SLC29A1: variants seen among roughly 807,000 people sequenced by gnomAD.
SLC29A1 encodes the protein solute carrier family 29 member 1 (Augustine blood group).
A neutral mutation model predicts 48.3 loss-of-function variants in SLC29A1; 22 were observed. That is an observed-to-expected ratio of 0.46 (90% confidence interval 0.33 to 0.65). SLC29A1 has a LOEUF of 0.65. Ranked by LOEUF, SLC29A1 falls within the 30% of genes least tolerant of loss-of-function variation. The probability of loss-of-function intolerance (pLI) is 0.03; values close to 1 mark genes in which losing one functional copy is unlikely to be tolerated. For synonymous variants in SLC29A1, 228 were observed against 231.0 expected, an observed-to-expected ratio of 0.99 and a Z score of 0.12; for missense variants, 491 against 575.3, an observed-to-expected ratio of 0.85 and a Z score of 1.50.
intron 8 of SLC29A1, 54 bp from the exon 9 acceptor site, chr6:44,231,310 T>C (rs2153303062): frequency 8.5e-7 from 1 of 1,171,074 alleles, no homozygotes; most frequent in African/African-American, 1.5e-5. Context: ...ATGTTTATGT[T>C]GTCTTCTGTT....
chr6:44,225,723 G>A (rs1032218541), intron 1 of SLC29A1: 3 of 152,190 alleles, frequency 2.0e-5, no homozygotes, highest in Non-Finnish European at 2.9e-5. Context: ...GGAGGTGTGG[G>A]GCTGAGGGGC....
At chr6:44,219,868 AG>A, upstream of SLC29A1, 1 of 1,007,226 alleles carries the variant, frequency 9.9e-7, no homozygotes, top group Non-Finnish European at 1.3e-6. Flanking sequence ...CGGGCGGGAC[AG>A]GGGGCCAGTA....
At chr6:44,230,697 T>C (rs769177686) in intron 7 of SLC29A1, 32 bp downstream of exon 7, 1 of 1,480,882 alleles carries the variant, frequency 6.8e-7, no homozygotes, top group South Asian at 1.1e-5. Context: ...GGGTTTGGGG[T>C]ATAGGGGTCT....
rs765225995 is a variant in SLC29A1, at chr6:44,229,518, T to G, written c.111+47T>G. ...TCCATGGGGCAGTGCCCACTGTGCT[T>G]GCAGGATCTGACTCTGTGCTGGTAG... On this transcript the variant is annotated intron_variant, in intron 3 of 12. Coordinates refer to ENST00000371755, the MANE Select transcript of SLC29A1 (RefSeq NM_001372327.1). This position sits in a 1 kb window ranked among gnomAD's most constrained non-coding sequence, Gnocchi z 5.1. 2 of 1,609,838 alleles carry G rather than the reference T, an allele frequency of 1.2e-6. No homozygotes were observed. The highest frequency in any genetic ancestry group is 1.7e-6 in the Non-Finnish European group (2 of 1,176,138).
At chr6:44,220,649 C>CT (rs1204988377), upstream of SLC29A1, among the ~76,000 whole-genome samples, 122 of 102,472 alleles carry the variant, frequency 1.2e-3, no homozygotes, top group South Asian at 5.8e-3. Flanking sequence ...CCCGTCTCTA[C>CT]TAAAAAAAAA....
chr6:44,226,760 G>A (rs1428397684), intron 1 of SLC29A1: 4 of 999,102 alleles, frequency 4.0e-6, no homozygotes, highest in Non-Finnish European at 4.8e-6. Flanking sequence ...AGTCATCATC[G>A]ATGTTGTCGC....
At chr6:44,221,099 G>C (rs1203490234), upstream of SLC29A1, among the ~76,000 whole-genome samples, 1 of 152,094 alleles carries the variant, frequency 6.6e-6, no homozygotes, top group Non-Finnish European at 1.5e-5. This position sits in a 1 kb window ranked among gnomAD's most constrained non-coding sequence, Gnocchi z 4.2. Flanking sequence ...GCCCAGGCTA[G>C]TCTTGAATTC....
rs758527053 is a variant in SLC29A1 at position 44,232,337 on chromosome 6, T to G, written c.974-6T>G. 6.2e-7 allele frequency: 1 copy of G among 1,608,480 alleles called. No individual in the cohort carries two copies. The highest frequency in any genetic ancestry group is 1.1e-5 in the South Asian group (1 of 90,962). ...CTGATAACCACCCGTTCATCTCCTC[T>G]TCCAGAACGTTACTTCATTCCTGTG... On this transcript the variant is annotated splice_region_variant and splice_polypyrimidine_tract_variant and intron_variant, in intron 10 of 12. Transcript: ENST00000371755. The surrounding 1 kb of genome is among the most constrained non-coding windows in gnomAD (Gnocchi z 4.7).
Position 44,232,006 on chromosome 6 carries a change from C to T in SLC29A1, c.873C>T (p.Val291=), listed in dbSNP as rs1279631606. The change falls in exon 10 of 13, where the codon GTC becomes GTT. Residue 291 remains valine, a synonymous_variant. Coordinates refer to ENST00000371755, the MANE Select transcript of SLC29A1 (RefSeq NM_001372327.1). The surrounding 1 kb of genome is among the most constrained non-coding windows in gnomAD (Gnocchi z 4.7). The part of the protein sequence containing the change: ...SIKAILKNIS[V]LAFSVCFIFT... The stretch of plus-strand genomic sequence containing the variant: ...CTACCCCTTCTATCTAGATCTCAGT[C>T]CTGGCTTTCTCTGTCTGCTTCATCT... 1 of 1,612,930 alleles carries T rather than the reference C, an allele frequency of 6.2e-7. No homozygotes were observed. The highest frequency in any genetic ancestry group is 1.7e-5 in the Admixed American group (1 of 60,006).
At chr6:44,228,311 A>G (rs550741241) in intron 2 of SLC29A1, among the ~76,000 whole-genome samples, 2 of 152,036 alleles carry the variant, frequency 1.3e-5, no homozygotes, top group Non-Finnish European at 2.9e-5. Flanking sequence ...TACTCCCCCC[A>G]ACCCCGATCC....
chr6:44,224,453 T>C (rs1009032773), intron 1 of SLC29A1, among the ~76,000 whole-genome samples: 1 of 151,964 alleles, frequency 6.6e-6, no homozygotes, highest in Non-Finnish European at 1.5e-5. Context: ...TTTAGTTGAA[T>C]CAGAGTTCCC....
intron 1 of SLC29A1, chr6:44,226,641 C>T: frequency 1.6e-6 from 1 of 606,632 alleles, no homozygotes; most frequent in African/African-American, 2.0e-5. Flanking sequence ...ATCTGGGTTG[C>T]CTTCAGGAGA....
chr6:44,222,268 T>TGGGGGGGGG (rs1582921881), upstream of SLC29A1, among the ~76,000 whole-genome samples: 1 of 17,600 alleles, frequency 5.7e-5, no homozygotes, highest in Non-Finnish European at 1.2e-4. Flanking sequence ...GGGATGGGGG[T>TGGGGGGGGG]GGGGTGGGGG....
chr6:44,231,036 C>G, intron 8 of SLC29A1, 147 bp downstream of exon 8: 1 of 698,934 alleles, frequency 1.4e-6, no homozygotes, highest in Non-Finnish European at 2.6e-6. Flanking sequence ...GAGAGGGGGA[C>G]AATAGGAAAT....
At chr6:44,223,439 G>A (rs934195714), upstream of SLC29A1, 8 of 704,774 alleles carry the variant, frequency 1.1e-5, no homozygotes, top group Non-Finnish European at 1.1e-5. This position sits in a 1 kb window ranked among gnomAD's most constrained non-coding sequence, Gnocchi z 5.0. Flanking sequence ...GCAGGGGCTC[G>A]GGGTGGGAGC....
At chr6:44,231,602 CA>C (rs1362925201) in intron 9 of SLC29A1, 141 bp downstream of exon 9, 1 of 643,808 alleles carries the variant, frequency 1.6e-6, no homozygotes. Flanking sequence ...CGTGCGTGCC[CA>C]TGCGTGCGTG....
chr6:44,221,575 C>T (rs1561871998), upstream of SLC29A1: 1 of 1,258,474 alleles, frequency 7.9e-7, no homozygotes, highest in African/African-American at 1.5e-5. This position sits in a 1 kb window ranked among gnomAD's most constrained non-coding sequence, Gnocchi z 4.2. Context: ...CCCACCCCAC[C>T]CCTTCGACAG....
At chr6:44,227,023 G>C in intron 1 of SLC29A1, 2 of 1,273,630 alleles carry the variant, frequency 1.6e-6, no homozygotes, top group Non-Finnish European at 2.0e-6. Flanking sequence ...GGTGGCAGCG[G>C]CCAGGCCGGG....
At chr6:44,228,005 A>G (rs1777956064) in intron 2 of SLC29A1, among the ~76,000 whole-genome samples, 1 of 152,152 alleles carries the variant, frequency 6.6e-6, no homozygotes, top group African/African-American at 2.4e-5. Context: ...AAGGCTATGA[A>G]ACTAGGCCAC....
Sources: allele counts gnomAD v4.1 joint callset (sites outside exome capture counted in the v4.1 genomes callset), GRCh38; gene constraint gnomAD v4.1.1; non-coding constraint Gnocchi (gnomAD v3.1); transcripts MANE v1.5; gene names NCBI Gene and HGNC (gene_info 2026-07-23, HGNC 2026-07-21).